Variants in TLR6 observed in about 807,000 individuals in gnomAD.
TLR6 encodes the protein toll-like receptor 6.
In TLR6, 9 loss-of-function variants were observed where a neutral mutation model predicts 16.1. The observed-to-expected ratio is 0.56, with a 90% confidence interval of 0.34 to 0.98. The LOEUF is 0.98. Among genes scored for constraint, TLR6 ranks in the 50% least tolerant of loss-of-function variants. The pLI is 0.02. For synonymous variants in TLR6, 340 were observed against 338.6 expected, an observed-to-expected ratio of 1.00 and a Z score of -0.04; for missense variants, 786 against 921.0, an observed-to-expected ratio of 0.85 and a Z score of 1.90.
rs189717457 is a variant in TLR6 at position 38,848,150 on chromosome 4, G to A, written c.-65+8611C>T. Among the ~76,000 whole-genome samples, 438 of 152,332 alleles carry A rather than the reference G, an allele frequency of 2.9e-3. 8 individuals carry two copies. In the East Asian group the frequency reaches 0.051, roughly 18 times the overall value. ...CAATATTCGCTGTTCTGCAGCCTCC[G>A]CTGCTGATACCCAGTCAAACAGGGT... On this transcript the variant is annotated intron_variant, in intron 1 of 1. Coordinates refer to ENST00000436693, the Ensembl canonical transcript of TLR6.
At chr4:38,864,782 C>G in the TLR6 span, among the ~76,000 whole-genome samples, 1 of 152,080 alleles carries the variant, frequency 6.6e-6, no homozygotes, top group South Asian at 2.1e-4. Context: ...GAGGCTGAGG[C>G]GGGAGGATTG....
At chr4:38,846,269 A>C (rs1712527797) in intron 1 of TLR6, among the ~76,000 whole-genome samples, 1 of 152,214 alleles carries the variant, frequency 6.6e-6, no homozygotes, top group Admixed American at 6.5e-5. Flanking sequence ...AAAGGAGCCA[A>C]ACTCAAGATA....
At chr4:38,855,946 T>A (rs1240292515) in intron 1 of TLR6, among the ~76,000 whole-genome samples, 1 of 150,278 alleles carries the variant, frequency 6.7e-6, no homozygotes, top group African/African-American at 2.5e-5. Flanking sequence ...AAGCTACATT[T>A]CAGAAAAAAA....
the TLR6 span, chr4:38,867,730 C>T: frequency 1.3e-5 from 2 of 150,054 alleles, no homozygotes; most frequent in Non-Finnish European, 3.0e-5. Context: ...CGGGGCGGGG[C>T]CCCCTCTCCA....
At chr4:38,833,552 T>C (rs1409996113) in intron 1 of TLR6, among the ~76,000 whole-genome samples, 1 of 152,204 alleles carries the variant, frequency 6.6e-6, no homozygotes, top group Admixed American at 6.5e-5. Context: ...GCAAAAGTCT[T>C]TCCCTATCAA....
intron 1 of TLR6, among the ~76,000 whole-genome samples, chr4:38,854,658 G>A (rs911983982): frequency 1.3e-5 from 2 of 151,992 alleles, no homozygotes; most frequent in Non-Finnish European, 2.9e-5. Context: ...GCTTTCTAAA[G>A]GGTAATTTGG....
intron 1 of TLR6, among the ~76,000 whole-genome samples, chr4:38,833,684 C>G (rs1711748765): frequency 6.6e-6 from 1 of 152,100 alleles, no homozygotes; most frequent in Non-Finnish European, 1.5e-5. Context: ...CAATAATTCT[C>G]TAATAACAGA....
chr4:38,836,843 G>A (rs57130162), intron 1 of TLR6, among the ~76,000 whole-genome samples: 57,876 of 151,458 alleles, frequency 0.38, 12,147 homozygotes, highest in African/African-American at 0.56. Flanking sequence ...AGGAGGCCGA[G>A]GCATGAGAAT....
chr4:38,853,439 G>GA (rs1256497735), intron 1 of TLR6, among the ~76,000 whole-genome samples: 3 of 150,258 alleles, frequency 2.0e-5, no homozygotes, highest in African/African-American at 7.3e-5. Context: ...CTGTAATAAA[G>GA]AAAAAAAATG....
At chr4:38,828,847 G>A (rs760858200) in exon 2 of TLR6, 36 of 1,613,810 alleles carry the variant, frequency 2.2e-5, no homozygotes, top group Admixed American at 3.3e-5. Context: ...CTTGGATAGC[G>A]AATAAACTAG....
chr4:38,861,394 C>A (rs915503526), upstream of TLR6, among the ~76,000 whole-genome samples: 1 of 152,162 alleles, frequency 6.6e-6, no homozygotes, highest in Non-Finnish European at 1.5e-5. Flanking sequence ...GCTGCACCCC[C>A]TCCATAATCT....
chr4:38,860,341 T>G (rs1448993046), upstream of TLR6, among the ~76,000 whole-genome samples: 1 of 151,950 alleles, frequency 6.6e-6, no homozygotes, highest in African/African-American at 2.4e-5. Flanking sequence ...ATGTGGTGGC[T>G]GGCGCCTGTA....
chr4:38,853,659 G>T (rs1712858360), intron 1 of TLR6, among the ~76,000 whole-genome samples: 1 of 152,112 alleles, frequency 6.6e-6, no homozygotes. Context: ...CCACTGCCCA[G>T]GCTGGAGTGC....
intron 1 of TLR6, among the ~76,000 whole-genome samples, chr4:38,849,177 T>G (rs1712663745): frequency 6.6e-6 from 1 of 152,158 alleles, no homozygotes; most frequent in Non-Finnish European, 1.5e-5. Context: ...CCAGCCAAAC[T>G]AAGCTTCATA....
intron 1 of TLR6, among the ~76,000 whole-genome samples, chr4:38,849,972 G>A (rs946849648): frequency 1.3e-5 from 2 of 151,882 alleles, no homozygotes; most frequent in Non-Finnish European, 2.9e-5. Flanking sequence ...TGATAACATA[G>A]TTAGAAGTAA....
chr4:38,828,580 A>G lies in TLR6; in HGVS notation c.894T>C (p.Thr298=), dbSNP rs778409315. Residue 298 remains threonine (T), a synonymous_variant, in exon 2 of 2, where the codon ACT becomes ACC. Coordinates refer to ENST00000436693, the Ensembl canonical transcript of TLR6. ...ATGCTTTCAATGTCGTTTTAGAATA[A>G]GTAAAATCTTCTTCACGAATGCTTT... The G allele has an allele frequency of 1.3e-5, 21 of 1,613,784 alleles. No individual in the cohort carries two copies. In the African/African-American group the frequency reaches 2.0e-4, roughly 15 times the overall value.
At chr4:38,849,234 A>AT (rs1488991835) in intron 1 of TLR6, among the ~76,000 whole-genome samples, 2 of 152,172 alleles carry the variant, frequency 1.3e-5, no homozygotes, top group African/African-American at 2.4e-5. Flanking sequence ...ATGCTGAGAG[A>AT]TTTTGTCACC....
chr4:38,848,140 T>C (rs1030835391), intron 1 of TLR6, among the ~76,000 whole-genome samples: 6 of 152,258 alleles, frequency 3.9e-5, no homozygotes, highest in South Asian at 2.1e-4. Context: ...TTCGCTGTTC[T>C]GCAGCCTCCG....
chr4:38,864,655 A>G, the TLR6 span, among the ~76,000 whole-genome samples: 2 of 152,224 alleles, frequency 1.3e-5, no homozygotes, highest in South Asian at 2.1e-4. Context: ...ATATTCTAAA[A>G]CATTGAAAAA....
Sources: allele counts gnomAD v4.1 joint callset (sites outside exome capture counted in the v4.1 genomes callset), GRCh38; gene constraint gnomAD v4.1.1; transcripts MANE v1.5; gene names NCBI Gene and HGNC (gene_info 2026-07-23, HGNC 2026-07-21).